Variants in PPARGC1A observed in about 807,000 individuals in gnomAD.
PPARGC1A encodes the protein peroxisome proliferator-activated receptor gamma coactivator 1-alpha.
In PPARGC1A, 25 loss-of-function variants were observed where a neutral mutation model predicts 88.7. The observed-to-expected ratio is 0.28, with a 90% CI of 0.21 to 0.39. The LOEUF is 0.39. PPARGC1A is among the 10% of genes least tolerant of loss of function. The pLI is 1.00. For synonymous variants in PPARGC1A, 363 were observed against 355.6 expected, an observed-to-expected ratio of 1.02 and a Z score of -0.24; for missense variants, 880 against 968.7, an observed-to-expected ratio of 0.91 and a Z score of 1.22.
the PPARGC1A span, among the ~76,000 whole-genome samples, chr4:24,300,553 G>A: frequency 6.6e-6 from 1 of 151,838 alleles, no homozygotes; most frequent in African/African-American, 2.4e-5. Context: ...ACCTTTGGCA[G>A]TAAGCTGACT....
chr4:24,377,563 C>A, the PPARGC1A span, among the ~76,000 whole-genome samples: 1 of 152,102 alleles, frequency 6.6e-6, no homozygotes, highest in Admixed American at 6.6e-5. Context: ...GAGTTTCAAT[C>A]CTGGCCAAAG....
the PPARGC1A span, among the ~76,000 whole-genome samples, chr4:24,034,721 G>A: frequency 4.6e-5 from 7 of 152,036 alleles, no homozygotes; most frequent in Non-Finnish European, 2.9e-5. Flanking sequence ...TGATGACAGT[G>A]GAATAGATAG....
chr4:23,799,505 C>T (rs149664036), intron 12 of PPARGC1A, among the ~76,000 whole-genome samples: 3 of 152,278 alleles, frequency 2.0e-5, no homozygotes, highest in East Asian at 3.9e-4. Context: ...CCCAGGTCTG[C>T]GGGATTCCAA....
chr4:24,275,625 C>T, the PPARGC1A span, among the ~76,000 whole-genome samples: 1 of 152,168 alleles, frequency 6.6e-6, no homozygotes, highest in Non-Finnish European at 1.5e-5. Context: ...CTTTAGAATG[C>T]AATTATTGTC....
At chr4:23,799,809 G>T (rs1247257367) in intron 12 of PPARGC1A, among the ~76,000 whole-genome samples, 15 of 152,030 alleles carry the variant, frequency 9.9e-5, no homozygotes, top group African/African-American at 2.7e-4. Flanking sequence ...TGATCTAAAG[G>T]CCCCTCTAGG....
chr4:24,059,228 T>C, the PPARGC1A span, among the ~76,000 whole-genome samples: 1 of 152,214 alleles, frequency 6.6e-6, no homozygotes, highest in Non-Finnish European at 1.5e-5. Flanking sequence ...TGCTTTTTAA[T>C]GTGATGCTAT....
chr4:24,177,624 TAAA>T, the PPARGC1A span, among the ~76,000 whole-genome samples: 1 of 4,630 alleles, frequency 2.2e-4, no homozygotes, highest in South Asian at 4.3e-3. Context: ...TATAATTAAA[TAAA>T]TAAATAAATA....
intron 7 of PPARGC1A, among the ~76,000 whole-genome samples, chr4:23,815,144 TG>T (rs1462906851): frequency 1.4e-5 from 2 of 144,528 alleles, no homozygotes; most frequent in Non-Finnish European, 3.0e-5. Flanking sequence ...AAAAAAAAGA[TG>T]GGATGACAGG....
At chr4:24,000,196 A>G in the PPARGC1A span, among the ~76,000 whole-genome samples, 8 of 152,148 alleles carry the variant, frequency 5.3e-5, no homozygotes, top group African/African-American at 7.2e-5. Context: ...AAATTACTTC[A>G]TAACAGAGGC....
chr4:23,929,938 T>A, the PPARGC1A span, among the ~76,000 whole-genome samples: 2 of 152,186 alleles, frequency 1.3e-5, no homozygotes, highest in African/African-American at 4.8e-5. Context: ...ATTTTACAGC[T>A]GAGTGTTAAC....
At chr4:24,380,661 G>A in the PPARGC1A span, among the ~76,000 whole-genome samples, 1 of 152,138 alleles carries the variant, frequency 6.6e-6, no homozygotes, top group East Asian at 1.9e-4. Context: ...GTTTAACCCA[G>A]GGAGGATCCA....
chr4:24,171,760 T>C, the PPARGC1A span, among the ~76,000 whole-genome samples: 5 of 152,260 alleles, frequency 3.3e-5, no homozygotes, highest in Non-Finnish European at 5.9e-5. Flanking sequence ...CTTATGGCAT[T>C]CCATTTTATG....
At chr4:24,058,419 C>T in the PPARGC1A span, among the ~76,000 whole-genome samples, 6 of 152,238 alleles carry the variant, frequency 3.9e-5, no homozygotes, top group East Asian at 1.9e-4. Flanking sequence ...TGGCAGAGGA[C>T]GCTGGTAACA....
At chr4:24,346,908 G>A in the PPARGC1A span, among the ~76,000 whole-genome samples, 5 of 152,012 alleles carry the variant, frequency 3.3e-5, no homozygotes, top group South Asian at 2.1e-4. Context: ...TAGCTATTTA[G>A]GGCTATGAAC....
At chr4:24,396,881 T>C in the PPARGC1A span, among the ~76,000 whole-genome samples, 2 of 152,210 alleles carry the variant, frequency 1.3e-5, no homozygotes, top group African/African-American at 2.4e-5. Context: ...CTGGTCCCTT[T>C]TGGTGTGATG....
At chr4:24,240,136 T>C in the PPARGC1A span, among the ~76,000 whole-genome samples, 2 of 152,194 alleles carry the variant, frequency 1.3e-5, no homozygotes, top group African/African-American at 4.8e-5. Flanking sequence ...CTTAAAAGAC[T>C]ACCCATAATT....
the PPARGC1A span, among the ~76,000 whole-genome samples, chr4:24,395,611 T>C: frequency 3.3e-5 from 5 of 152,214 alleles, no homozygotes; most frequent in African/African-American, 1.2e-4. Flanking sequence ...ACTGTGGAAA[T>C]AGGAAGCTGT....
At chr4:24,322,176 G>A in the PPARGC1A span, among the ~76,000 whole-genome samples, 3 of 152,090 alleles carry the variant, frequency 2.0e-5, no homozygotes, top group African/African-American at 4.8e-5. Context: ...TATAGCCTCC[G>A]CTTATTTTGC....
intron 2 of PPARGC1A, among the ~76,000 whole-genome samples, chr4:23,860,384 T>C (rs1354712213): frequency 6.6e-6 from 1 of 151,978 alleles, no homozygotes; most frequent in Non-Finnish European, 1.5e-5. Flanking sequence ...GGGATGGATA[T>C]GTCTAGAGAT....
Sources: allele counts gnomAD v4.1 joint callset (sites outside exome capture counted in the v4.1 genomes callset), GRCh38; gene constraint gnomAD v4.1.1; transcripts MANE v1.5; gene names NCBI Gene and HGNC (gene_info 2026-07-23, HGNC 2026-07-21).